The following FAM124A variants were observed in gnomAD, a reference collection of about 807,000 sequenced individuals.
FAM124A encodes the protein protein FAM124A.
A neutral mutation model predicts 24.5 loss-of-function variants in FAM124A; 23 were observed. That is an observed-to-expected ratio of 0.94 (90% CI 0.68 to 1.33). The LOEUF (loss-of-function observed/expected upper bound fraction) is 1.33, where lower values mean the gene tolerates loss of function less well. Ranked by LOEUF, FAM124A falls within the 40% of genes most tolerant of loss-of-function variation. FAM124A has a pLI of 0.00. For missense variants in FAM124A, 623 were observed against 722.8 expected, an observed-to-expected ratio of 0.86 and a Z score of 1.58; for synonymous variants, 287 against 314.7, an observed-to-expected ratio of 0.91 and a Z score of 0.93.
intron 3 of FAM124A, among the ~76,000 whole-genome samples, chr13:51,268,715 T>C (rs1954812656): frequency 6.6e-6 from 1 of 152,250 alleles, no homozygotes; most frequent in African/African-American, 2.4e-5. Context: ...TCTAATGGTG[T>C]GGATCACCAA....
chr13:51,257,562 G>C (rs756966093), intron 3 of FAM124A, among the ~76,000 whole-genome samples: 1 of 152,110 alleles, frequency 6.6e-6, no homozygotes, highest in Non-Finnish European at 1.5e-5. Context: ...AGTTTCCAAG[G>C]GCTTCCCATG....
At chr13:51,253,858 A>G (rs1161218125) in intron 3 of FAM124A, among the ~76,000 whole-genome samples, 2 of 152,202 alleles carry the variant, frequency 1.3e-5, no homozygotes, top group Non-Finnish European at 2.9e-5. Flanking sequence ...AAAGATTTGT[A>G]TCTTGGGACT....
Position 51,280,795 on chromosome 13 carries a change from G to C in FAM124A, c.1180G>C (p.Glu394Gln). ...AGGTGCCCCAGGGCACAGGGCATCA[G>C]AGTGGAGGCATGGCCACCTCCTCTC... ...NTGAPGHRAS[E>Q]WRHGHLLSID... is the part of the protein sequence containing the mutation. Residue 394 changes from glutamate (E) to glutamine (Q), a missense_variant, in exon 4 of 4, where the codon GAG (glutamate) becomes CAG (glutamine). Transcript: ENST00000322475. The C allele has an allele frequency of 6.2e-7, 1 of 1,614,214 alleles. No individual in the cohort carries two copies. Among genetic ancestry groups the C allele is most frequent in the Non-Finnish European group, 8.5e-7 (1 of 1,180,046 alleles).
intron 2 of FAM124A, among the ~76,000 whole-genome samples, chr13:51,246,399 TGGGG>T (rs1954560321): frequency 3.3e-5 from 3 of 91,880 alleles, no homozygotes; most frequent in Non-Finnish European, 5.4e-5. Context: ...ATGTTTCTCG[TGGGG>T]TGGGGGGGGG....
Position 51,281,515 on chromosome 13 carries a change from G to A in FAM124A, c.*259G>A, listed in dbSNP as rs1428588488. On this transcript the variant is annotated 3_prime_UTR_variant, in exon 4 of 4. Coordinates refer to ENST00000322475, the MANE Select transcript of FAM124A (RefSeq NM_001242312.2). ...ATTTTTTGAATATTCAGCATTTGAG[G>A]TATGGTTTAGTGGGTTTATACAATT... 1 of 389,466 alleles carries A rather than the reference G, an allele frequency of 2.6e-6. No individual in the cohort carries two copies. 24.1% of individuals were successfully genotyped at this position (389,466 alleles called of 1,614,324 possible). A position where few individuals can be genotyped will look rare whatever the true frequency, so the allele number is the denominator to read the frequency against.
intron 2 of FAM124A, among the ~76,000 whole-genome samples, chr13:51,249,914 C>T (rs770329843): frequency 9.2e-5 from 14 of 152,282 alleles, no homozygotes; most frequent in East Asian, 3.9e-4. Context: ...CAAGAGTATA[C>T]GTAAATGTAC....
intron 3 of FAM124A, among the ~76,000 whole-genome samples, chr13:51,277,288 G>T (rs1593612981): frequency 7.3e-6 from 1 of 136,820 alleles, no homozygotes; most frequent in Admixed American, 7.6e-5. Context: ...GGTACACATG[G>T]ACATGCAGAG....
intron 3 of FAM124A, among the ~76,000 whole-genome samples, chr13:51,255,054 G>T (rs1033511514): frequency 6.6e-6 from 1 of 152,026 alleles, no homozygotes. Context: ...TTACATGAAA[G>T]GGGGAGAGAG....
At position 51,251,905 on chromosome 13, in the gene FAM124A, TACG is replaced by T. The variant is rs1173833529; in HGVS notation, c.541_543del (p.Asp181del). 5.0e-6 allele frequency: 8 copies of T among 1,614,038 alleles called. No homozygotes were observed. Among genetic ancestry groups the T allele is most frequent in the African/African-American group, 2.7e-5 (2 of 74,948 alleles). On this transcript the variant is annotated inframe_deletion, in exon 3 of 4. Transcript: ENST00000322475. This position sits in a 1 kb window ranked among gnomAD's most constrained non-coding sequence, Gnocchi z 5.3. The stretch of plus-strand genomic sequence containing the variant: ...CGTGCGCTTCACCGTCTACTGTCGC[TACG>T]ACAACTATGCTGACAGCCTCAGGTT...
At chr13:51,238,204 A>G (rs1368045065) in intron 2 of FAM124A, among the ~76,000 whole-genome samples, 1 of 152,206 alleles carries the variant, frequency 6.6e-6, no homozygotes, top group African/African-American at 2.4e-5. Flanking sequence ...GAAGGTGTTA[A>G]TGGCCTGGTA....
At chr13:51,250,153 G>C (rs1566167069) in intron 2 of FAM124A, among the ~76,000 whole-genome samples, 1 of 152,182 alleles carries the variant, frequency 6.6e-6, no homozygotes, top group East Asian at 1.9e-4. Context: ...TGGTGAAATG[G>C]ACTTGTAAGC....
At chr13:51,280,142 G>A (rs1038928523) in intron 3 of FAM124A, among the ~76,000 whole-genome samples, 1 of 152,174 alleles carries the variant, frequency 6.6e-6, no homozygotes, top group East Asian at 1.9e-4. Context: ...GCTCAGCCAG[G>A]CCCATGTTCT....
At chr13:51,236,628 C>T (rs912691340) in intron 2 of FAM124A, among the ~76,000 whole-genome samples, 2 of 152,224 alleles carry the variant, frequency 1.3e-5, no homozygotes, top group Admixed American at 1.3e-4. Context: ...TATGTGAATA[C>T]ATATGATCTG....
chr13:51,262,183 T>C (rs1345104705), intron 3 of FAM124A, among the ~76,000 whole-genome samples: 1 of 152,256 alleles, frequency 6.6e-6, no homozygotes, highest in African/African-American at 2.4e-5. Context: ...CTGTCTGTCC[T>C]GCGACCTGCC....
chr13:51,280,610 G>A lies in FAM124A; in HGVS notation c.995G>A (p.Arg332Gln), dbSNP rs763580699. 4.3e-5 allele frequency: 69 copies of A among 1,614,048 alleles called. No homozygotes were observed. Among genetic ancestry groups the A allele is most frequent in the South Asian group, 1.2e-4 (11 of 91,078 alleles). The part of the protein sequence containing the change: ...PLNSPHPGPI[R>Q]TGLPPGHQQE... ...AACAGTCCTCACCCGGGGCCCATCC[G>A]GACAGGCCTGCCTCCTGGGCACCAG... The change falls in exon 4 of 4, where the codon CGG (arginine) becomes CAG (glutamine). Residue 332 changes from arginine to glutamine, a missense_variant. Coordinates refer to ENST00000322475, the MANE Select transcript of FAM124A (RefSeq NM_001242312.2).
intron 2 of FAM124A, among the ~76,000 whole-genome samples, chr13:51,241,754 A>G (rs1954497632): frequency 6.9e-6 from 1 of 144,522 alleles, no homozygotes; most frequent in African/African-American, 2.5e-5. Flanking sequence ...AAAAAAAAAA[A>G]TGAGTCCCCA....
intron 3 of FAM124A, among the ~76,000 whole-genome samples, chr13:51,253,999 G>A (rs1954651992): frequency 6.6e-6 from 1 of 152,168 alleles, no homozygotes; most frequent in Non-Finnish European, 1.5e-5. Flanking sequence ...CTGCATCAGT[G>A]CAGATAGCTA....
chr13:51,248,053 C>A (rs1108958), intron 2 of FAM124A, among the ~76,000 whole-genome samples: 125,504 of 152,112 alleles, frequency 0.83, 52,105 homozygotes, highest in South Asian at 0.9. Flanking sequence ...TAACTGCATA[C>A]AAATGAGAAT....
intron 1 of FAM124A, among the ~76,000 whole-genome samples, chr13:51,222,922 G>C (rs936519546): frequency 6.6e-6 from 1 of 152,230 alleles, no homozygotes; most frequent in African/African-American, 2.4e-5. Context: ...TAGCTCCGGA[G>C]CCCCCTGGAG....
Sources: gnomAD v4.1 joint callset for allele counts (sites outside exome capture counted in the v4.1 genomes callset) on GRCh38, gnomAD v4.1.1 for gene constraint, Gnocchi (gnomAD v3.1) non-coding constraint, MANE v1.5 for transcripts, NCBI Gene and HGNC (gene_info 2026-07-23, HGNC 2026-07-21) for gene names.